ROBO2: variants seen among roughly 807,000 people sequenced by gnomAD.
ROBO2 encodes the protein roundabout guidance receptor 2.
Under a neutral mutation model 160.8 loss-of-function variants are expected in ROBO2, and 53 were observed. The observed-to-expected ratio is 0.33, with a 90% CI of 0.26 to 0.41. The LOEUF (loss-of-function observed/expected upper bound fraction) is 0.41, where lower values mean the gene tolerates loss of function less well. Ranked by LOEUF, ROBO2 falls within the 10% of genes least tolerant of loss-of-function variation. ROBO2 has a pLI of 1.00. For synonymous variants in ROBO2, 664 were observed against 611.7 expected, an observed-to-expected ratio of 1.09 and a Z score of -1.26; for missense variants, 1,577 against 1,722.4, an observed-to-expected ratio of 0.92 and a Z score of 1.49.
intron 2 of ROBO2, among the ~76,000 whole-genome samples, chr3:77,215,001 C>T (rs2084731559): frequency 6.6e-6 from 1 of 152,154 alleles, no homozygotes; most frequent in Admixed American, 6.5e-5. Context: ...TTCTCTCTGG[C>T]TGCCCTTAAC....
chr3:76,956,596 C>G (rs570165897), intron 2 of ROBO2, among the ~76,000 whole-genome samples: 41 of 150,380 alleles, frequency 2.7e-4, no homozygotes, highest in Non-Finnish European at 5.1e-4. Context: ...TCTGGTGCAT[C>G]AGTGTTGCAC....
chr3:76,380,199 AAAATACATT>A (rs1379875096), intron 2 of ROBO2, among the ~76,000 whole-genome samples: 1 of 152,192 alleles, frequency 6.6e-6, no homozygotes, highest in Non-Finnish European at 1.5e-5. Flanking sequence ...TAGAGCCATT[AAAATACATT>A]TAATGTATTT....
intron 4 of ROBO2, among the ~76,000 whole-genome samples, chr3:77,484,000 AT>A (rs560203050): frequency 5.7e-4 from 86 of 151,930 alleles, no homozygotes; most frequent in African/African-American, 2.0e-3. Flanking sequence ...AGCATTATAT[AT>A]TTTAAATGTG....
At chr3:77,206,352 T>C (rs2083446165) in intron 2 of ROBO2, among the ~76,000 whole-genome samples, 1 of 152,056 alleles carries the variant, frequency 6.6e-6, no homozygotes, top group Non-Finnish European at 1.5e-5. Flanking sequence ...GCATTTTTGG[T>C]GGAGACGGGT....
chr3:77,195,360 T>C (rs2150972458), intron 2 of ROBO2, among the ~76,000 whole-genome samples: 1 of 152,296 alleles, frequency 6.6e-6, no homozygotes, highest in South Asian at 2.1e-4. Context: ...AACAGAATGA[T>C]GTAAACATTT....
At chr3:77,127,089 G>A (rs1323769605) in intron 2 of ROBO2, among the ~76,000 whole-genome samples, 3 of 151,962 alleles carry the variant, frequency 2.0e-5, no homozygotes, top group South Asian at 2.1e-4. Context: ...ACGCCAGGCC[G>A]AAACTTCTTT....
intron 5 of ROBO2, among the ~76,000 whole-genome samples, chr3:77,505,546 T>C (rs1354322322): frequency 6.6e-6 from 1 of 152,116 alleles, no homozygotes; most frequent in African/African-American, 2.4e-5. Flanking sequence ...GATTGTGAGA[T>C]TTAGTAGTAT....
chr3:77,373,898 G>A (rs990824823), intron 2 of ROBO2, among the ~76,000 whole-genome samples: 25 of 150,560 alleles, frequency 1.7e-4, no homozygotes, highest in African/African-American at 5.6e-4. Context: ...TTGGCGGGGC[G>A]CGATGGCTCG....
rs143050774 is a variant in ROBO2 at position 76,184,386 on chromosome 3, A to G, written c.109+246784A>G. ...GCAATGGCCCTTGAGGTCTAGACCC[A>G]TGACTGGCATATCAGCACAAAGCAA... On this transcript the variant is annotated intron_variant, in intron 2 of 26. Coordinates refer to the ROBO2 transcript ENST00000487694. Among the ~76,000 whole-genome samples the G allele has an allele frequency of 6.0e-3, 916 of 152,254 alleles. 5 individuals are homozygous for G. Among genetic ancestry groups the G allele is most frequent in the African/African-American group, 0.021 (881 of 41,562 alleles).
At chr3:77,566,521 T>C (rs1334185306) in intron 12 of ROBO2, among the ~76,000 whole-genome samples, 1 of 152,102 alleles carries the variant, frequency 6.6e-6, no homozygotes, top group Non-Finnish European at 1.5e-5. Context: ...ACCGTGATCA[T>C]TTATACCTTT....
intron 2 of ROBO2, among the ~76,000 whole-genome samples, chr3:76,292,963 G>GT (rs5850246): frequency 0.083 from 11,699 of 141,556 alleles, 495 homozygotes; most frequent in African/African-American, 0.13. Context: ...AAGTACTAGG[G>GT]TTTTTTTTTT....
chr3:76,758,510 T>G (rs955711124), intron 2 of ROBO2, among the ~76,000 whole-genome samples: 1 of 151,826 alleles, frequency 6.6e-6, no homozygotes, highest in African/African-American at 2.4e-5. Context: ...TAAGTGCCCT[T>G]GAAATCTCTG....
intron 2 of ROBO2, among the ~76,000 whole-genome samples, chr3:76,056,595 AG>A (rs1464857260): frequency 6.6e-6 from 1 of 152,170 alleles, no homozygotes; most frequent in South Asian, 2.1e-4. Context: ...GAAAAGAAAA[AG>A]GTTCTTACAT....
intron 2 of ROBO2, among the ~76,000 whole-genome samples, chr3:76,222,316 T>A (rs930278485): frequency 1.3e-5 from 2 of 151,986 alleles, no homozygotes; most frequent in African/African-American, 4.8e-5. Context: ...CAGGAGTGAA[T>A]GTTTATTTAA....
chr3:77,188,531 T>C (rs917935665), intron 2 of ROBO2, among the ~76,000 whole-genome samples: 1 of 151,912 alleles, frequency 6.6e-6, no homozygotes. Context: ...TGTGTTTTTA[T>C]GTGGCATTTT....
At chr3:76,346,774 C>A (rs1411147819) in intron 2 of ROBO2, among the ~76,000 whole-genome samples, 2 of 152,130 alleles carry the variant, frequency 1.3e-5, no homozygotes, top group Non-Finnish European at 2.9e-5. Flanking sequence ...AAAATATGAG[C>A]TTTCTCCCAT....
intron 6 of ROBO2, among the ~76,000 whole-genome samples, chr3:77,524,718 C>T (rs556944399): frequency 6.6e-6 from 1 of 151,274 alleles, no homozygotes; most frequent in Non-Finnish European, 1.5e-5. Context: ...TTTAACAAAG[C>T]ATGCTCCTCA....
At chr3:76,376,790 C>T (rs565760219) in intron 2 of ROBO2, among the ~76,000 whole-genome samples, 2 of 152,222 alleles carry the variant, frequency 1.3e-5, no homozygotes, top group South Asian at 4.1e-4. Context: ...AATTGAAGGT[C>T]TTCAAATTTG....
chr3:76,527,557 C>T (rs1010072352), intron 2 of ROBO2, among the ~76,000 whole-genome samples: 1 of 152,074 alleles, frequency 6.6e-6, no homozygotes, highest in Admixed American at 6.6e-5. Flanking sequence ...GCTTGATTAA[C>T]TCATTATATA....
Sources: gnomAD v4.1 joint callset for allele counts (sites outside exome capture counted in the v4.1 genomes callset) on GRCh38, gnomAD v4.1.1 for gene constraint, MANE v1.5 for transcripts, NCBI Gene and HGNC (gene_info 2026-07-23, HGNC 2026-07-21) for gene names.